Variants in RNF103 observed in about 807,000 individuals in gnomAD.
The protein encoded by RNF103 is E3 ubiquitin-protein ligase RNF103.
A neutral mutation model predicts 66.2 loss-of-function variants in RNF103; 23 were observed. That is an observed-to-expected ratio of 0.35 (90% CI 0.25 to 0.49). The LOEUF is 0.49. RNF103 is among the 20% of genes least tolerant of loss of function. The probability of loss-of-function intolerance (pLI) is 0.98; values close to 1 mark genes in which losing one functional copy is unlikely to be tolerated. For missense variants in RNF103, 730 were observed against 814.7 expected (o/e 0.90, Z 1.27); for synonymous variants, 297 against 289.9 (o/e 1.02, Z -0.25).
At chr2:86,614,992 G>A (rs1334569811) in intron 2 of RNF103, 4 of 985,294 alleles carry the variant, frequency 4.1e-6, no homozygotes, top group Non-Finnish European at 4.8e-6. Flanking sequence ...TAAGTCTGGA[G>A]GCATCTTTCA....
chr2:86,616,587 A>G, intron 2 of RNF103: 1 of 985,452 alleles, frequency 1.0e-6, no homozygotes, highest in Non-Finnish European at 1.2e-6. Flanking sequence ...ACTTTTGTCT[A>G]GGAGCAAAGA....
chr2:86,603,702 G>A lies in RNF103; in HGVS notation c.*141C>T, dbSNP rs564562382. ...CACACAAGGCAACCAAATAAATTCT[G>A]TCATCAACATTAGCATAATGTGTAT... On this transcript the variant is annotated 3_prime_UTR_variant, in exon 4 of 4. Coordinates refer to ENST00000237455, the MANE Select transcript of RNF103 (RefSeq NM_005667.4). The A allele has an allele frequency of 1.6e-6, 2 of 1,224,776 alleles. No homozygotes were observed. Among genetic ancestry groups the A allele is most frequent in the South Asian group, 3.4e-5 (2 of 58,982 alleles). The allele number at this position is 1,224,776 out of a possible 1,614,324, so 75.9% of individuals were successfully genotyped here. A position where few individuals can be genotyped will look rare whatever the true frequency, so the allele number is the denominator to read the frequency against.
chr2:86,616,299 G>A (rs1679016492), intron 2 of RNF103: 1 of 184,020 alleles, frequency 5.4e-6, no homozygotes. Flanking sequence ...ATTGTGCTAT[G>A]ATATTTTCTG....
Position 86,603,724 on chromosome 2 carries a change from G to A in RNF103, c.*119C>T, listed in dbSNP as rs2104192698. The A allele has an allele frequency of 1.5e-6, 2 of 1,369,368 alleles. No homozygotes were observed. The highest frequency in any genetic ancestry group is 2.0e-6 in the Non-Finnish European group (2 of 1,011,912). 84.8% of individuals were successfully genotyped at this position (1,369,368 alleles called of 1,614,324 possible). A position where few individuals can be genotyped will look rare whatever the true frequency, so the allele number is the denominator to read the frequency against. The stretch of plus-strand genomic sequence containing the variant: ...TCTGTCATCAACATTAGCATAATGT[G>A]TATTTCCCGTCACTGCACTAACATT... On this transcript the variant is annotated 3_prime_UTR_variant, in exon 4 of 4. Coordinates refer to ENST00000237455, the MANE Select transcript of RNF103 (RefSeq NM_005667.4).
intron 1 of RNF103, 91 bp downstream of exon 1, chr2:86,622,570 G>T: frequency 7.9e-7 from 1 of 1,271,152 alleles, no homozygotes; most frequent in Non-Finnish European, 1.1e-6. Context: ...TCCAGGAAAG[G>T]CCTCACTCTG....
intron 1 of RNF103, 43 bp from the exon 2 acceptor site, chr2:86,620,512 C>T (rs549780907): frequency 6.8e-7 from 1 of 1,476,080 alleles, no homozygotes; most frequent in Non-Finnish European, 9.1e-7. Context: ...TTGCAAGAAT[C>T]CTAGATTCCC....
rs561273330 is a variant in RNF103 at position 86,615,255 on chromosome 2, G to C, written c.367-2981C>G. The C allele has an allele frequency of 4.7e-5, 46 of 985,268 alleles. 1 individual carries two copies. The South Asian group carries it at 1.6e-3, about 33-fold the overall frequency. 61.0% of individuals were successfully genotyped at this position (985,268 alleles called of 1,614,324 possible). On this transcript the variant is annotated intron_variant, in intron 2 of 3. Coordinates refer to ENST00000237455, the MANE Select transcript of RNF103 (RefSeq NM_005667.4). Reference sequence around the variant, plus strand: ...AGAGTTTAAGGATCCCTGACTGACAGAGCTACACAAAAATGAAAAATCTTG... The same window carrying C: ...AGAGTTTAAGGATCCCTGACTGACACAGCTACACAAAAATGAAAAATCTTG...
chr2:86,610,185 C>G (rs1355325245), intron 3 of RNF103, among the ~76,000 whole-genome samples: 1 of 152,092 alleles, frequency 6.6e-6, no homozygotes, highest in Non-Finnish European at 1.5e-5. Flanking sequence ...AGTAGAAGTA[C>G]TTTTTTAAAT....
chr2:86,622,782 G>C lies in RNF103; in HGVS notation c.105C>G (p.Thr35=), dbSNP rs771942835. The C allele has an allele frequency of 1.9e-5, 30 of 1,614,086 alleles. No homozygotes were observed. The Admixed American group carries it at 3.5e-4, about 19-fold the overall frequency. Residue 35 remains threonine (T), a synonymous_variant, in exon 1 of 4, where the codon ACC becomes ACG. Coordinates refer to ENST00000237455, the MANE Select transcript of RNF103 (RefSeq NM_005667.4). ...IVWYETGIFA[T]QLVDPVALSF... ...TCAGCGCCACCGGATCCACCAGCTG[G>C]GTGGCAAAGATGCCAGTTTCATACC... is the stretch of plus-strand genomic sequence containing the variant.
chr2:86,614,756 A>T (rs218060), intron 2 of RNF103: 43 of 964,298 alleles, frequency 4.5e-5, no homozygotes, highest in African/African-American at 1.1e-4. Flanking sequence ...ATCAAAGACA[A>T]GTTTAACTTA....
At position 86,604,544 on chromosome 2, in the gene RNF103, C is replaced by T; in HGVS notation, c.1357G>A (p.Glu453Lys). ...CAGTCCCACAGACTTGATAACCATT[C>T]TAAGTTATTGGCATTGACTTCATCA... ...NNDEVNANNL[E>K]WLSSLWDWYT... Residue 453 changes from glutamate to lysine, a missense_variant, in exon 4 of 4, where the codon GAA (glutamate) becomes AAA (lysine). By Grantham distance (56) the Glu-to-Lys change is moderately conservative (BLOSUM62 1). Transcript: ENST00000237455. 1 of 1,614,174 alleles carries T rather than the reference C, an allele frequency of 6.2e-7. No homozygotes were observed.
At chr2:86,616,543 A>C in intron 2 of RNF103, 1 of 985,464 alleles carries the variant, frequency 1.0e-6, no homozygotes, top group Non-Finnish European at 1.2e-6. Flanking sequence ...AGTATCAAGA[A>C]AGAAATACGT....
chr2:86,612,494 CT>C, intron 2 of RNF103: 1 of 408,536 alleles, frequency 2.4e-6, no homozygotes, highest in Non-Finnish European at 4.3e-6. Context: ...CTCTCCCACA[CT>C]CTGTGGCAGT....
intron 2 of RNF103, chr2:86,612,852 C>T (rs1485854599): frequency 6.6e-6 from 1 of 152,152 alleles, no homozygotes; most frequent in African/African-American, 2.4e-5. Context: ...TAAGAATTAC[C>T]ATTCTTCTTA....
In RNF103 at chr2:86,604,397, G is replaced by T; in HGVS notation, c.1504C>A (p.Pro502Thr). The change falls in exon 4 of 4, where the codon CCT (proline) becomes ACT (threonine). Residue 502 changes from proline (P) to threonine (T), a missense_variant. By Grantham distance (38) the Pro-to-Thr change is conservative. Around this residue, in one of 3 missense-constraint regions of RNF103, gnomAD observed 355 missense variants for 351.9 expected, o/e 1.01. Transcript: ENST00000237455. ...TTAATATAATCAGTTGGTATCAGAG[G>T]GTGAAGCCAAAGGTCAGGGAAAGCT... ...RLAFPDLWLH[P>T]LIPTDYIKNL... 1 of 1,614,172 alleles carries T rather than the reference G, an allele frequency of 6.2e-7. No individual in the cohort carries two copies. The highest frequency in any genetic ancestry group is 8.5e-7 in the Non-Finnish European group (1 of 1,180,040).
chr2:86,608,531 A>G (rs1243669746), intron 3 of RNF103, among the ~76,000 whole-genome samples: 1 of 151,590 alleles, frequency 6.6e-6, no homozygotes, highest in African/African-American at 2.4e-5. Flanking sequence ...AAGAGAGAGA[A>G]ACCTTAACAT....
chr2:86,616,699 T>C, intron 2 of RNF103: 1 of 985,484 alleles, frequency 1.0e-6, no homozygotes, highest in Non-Finnish European at 1.2e-6. Context: ...TTTTAAATCA[T>C]ATGATGCTTC....
At position 86,612,199 on chromosome 2, in the gene RNF103, C is replaced by A. The variant is rs949835797; in HGVS notation, c.442G>T (p.Gly148Ter). The change falls in exon 3 of 4, where the codon GGA (glycine) becomes TGA (stop). Residue 148 changes from glycine (G) to a stop codon, truncating the protein, a stop_gained. Transcript: ENST00000237455. LOFTEE classifies it high-confidence loss of function. ...CAGTTAAATGTGCCTGTACGTATTCCAAATCTTGACACCTTTTTAACCATT... is the reference window on the plus strand; with the variant it reads ...CAGTTAAATGTGCCTGTACGTATTCAAAATCTTGACACCTTTTTAACCATT... ...EKMVKKVSRF[G>*]IRTGTFNCSS... 2 of 1,613,528 alleles carry A rather than the reference C, an allele frequency of 1.2e-6. No homozygotes were observed.
At position 86,623,579 on chromosome 2, in the gene RNF103, G is replaced by A. The variant is rs1337617810; in HGVS notation, c.-693C>T. On this transcript the variant is annotated 5_prime_UTR_variant, in exon 1 of 4. Coordinates refer to ENST00000237455, the MANE Select transcript of RNF103 (RefSeq NM_005667.4). ...TCCAGGTTCGCTCGGGCCGGCTGGC[G>A]GGCGGCGCCTCTCAGGCGGGCGGGC... 2 of 998,072 alleles carry A rather than the reference G, an allele frequency of 2.0e-6. No individual in the cohort carries two copies. Among genetic ancestry groups the A allele is most frequent in the Non-Finnish European group, 2.4e-6 (2 of 837,360 alleles). The allele number at this position is 998,072 out of a possible 1,614,324, so 61.8% of individuals were successfully genotyped here.
Sources: gnomAD v4.1 joint callset for allele counts (sites outside exome capture counted in the v4.1 genomes callset) on GRCh38, gnomAD v4.1.1 for gene constraint, gnomAD v4.1.1 regional missense constraint, MANE v1.5 for transcripts, NCBI Gene and HGNC (gene_info 2026-07-23, HGNC 2026-07-21) for gene names.